LRMDA: variants seen among roughly 807,000 people sequenced by gnomAD.
LRMDA encodes the protein leucine-rich melanocyte differentiation-associated protein.
A neutral mutation model predicts 29.8 loss-of-function variants in LRMDA; 18 were observed. That is an observed-to-expected ratio of 0.60 (90% CI 0.42 to 0.90). LRMDA has a LOEUF of 0.90. LRMDA is among the 40% of genes least tolerant of loss of function. The pLI is 0.00. For missense variants in LRMDA, 273 were observed against 273.9 expected (o/e 1.00, Z 0.02); for synonymous variants, 125 against 109.4 (o/e 1.14, Z -0.89).
At chr10:75,505,717 T>C (rs1348180907) in intron 2 of LRMDA, among the ~76,000 whole-genome samples, 2 of 152,116 alleles carry the variant, frequency 1.3e-5, no homozygotes, top group Non-Finnish European at 2.9e-5. Context: ...TTCCTACCCT[T>C]TGCTTAAAGC....
chr10:75,617,752 C>T (rs1243268215), intron 2 of LRMDA, among the ~76,000 whole-genome samples: 1 of 152,198 alleles, frequency 6.6e-6, no homozygotes, highest in Non-Finnish European at 1.5e-5. Flanking sequence ...CTTTCTCCCT[C>T]AGTCTTTTGC....
At chr10:75,455,203 A>G (rs1367082098) in intron 2 of LRMDA, among the ~76,000 whole-genome samples, 1 of 152,208 alleles carries the variant, frequency 6.6e-6, no homozygotes, top group East Asian at 1.9e-4. Flanking sequence ...GGAACTGCCC[A>G]GAATAGCGTG....
intron 5 of LRMDA, among the ~76,000 whole-genome samples, chr10:76,154,715 G>A (rs934473388): frequency 8.5e-5 from 13 of 152,136 alleles, no homozygotes; most frequent in African/African-American, 3.1e-4. Flanking sequence ...TGGATTATTT[G>A]GGATTAACAT....
intron 2 of LRMDA, among the ~76,000 whole-genome samples, chr10:75,486,631 G>C (rs367925785): frequency 9.7e-4 from 147 of 152,208 alleles, no homozygotes; most frequent in African/African-American, 3.2e-3. Context: ...AATTTGTAAA[G>C]GGGCATTCTG....
intron 6 of LRMDA, among the ~76,000 whole-genome samples, chr10:76,482,351 T>C (rs1736174647): frequency 6.6e-6 from 1 of 152,016 alleles, no homozygotes; most frequent in South Asian, 2.1e-4. Context: ...ACTGTCTTCA[T>C]TATCTCTGCC....
intron 5 of LRMDA, among the ~76,000 whole-genome samples, chr10:76,128,247 G>A (rs1180234262): frequency 1.3e-5 from 2 of 152,216 alleles, no homozygotes; most frequent in East Asian, 1.9e-4. Flanking sequence ...TGTGTGTGGA[G>A]GAAAATGAGG....
chr10:75,480,876 G>A (rs943040260), intron 2 of LRMDA, among the ~76,000 whole-genome samples: 1 of 152,114 alleles, frequency 6.6e-6, no homozygotes, highest in Non-Finnish European at 1.5e-5. Flanking sequence ...AGGTGGTTTT[G>A]ATGGTATTTG....
chr10:76,143,002 C>T (rs1850235316), intron 5 of LRMDA, among the ~76,000 whole-genome samples: 1 of 152,116 alleles, frequency 6.6e-6, no homozygotes, highest in African/African-American at 2.4e-5. Context: ...TCATCCATGT[C>T]CCTACAAAGG....
chr10:75,437,716 A>G (rs955602957), intron 1 of LRMDA, among the ~76,000 whole-genome samples: 1 of 152,224 alleles, frequency 6.6e-6, no homozygotes, highest in Non-Finnish European at 1.5e-5. Flanking sequence ...TAATAAATAG[A>G]AGAATGCCCA....
At chr10:75,647,132 G>A (rs1370034286) in intron 2 of LRMDA, among the ~76,000 whole-genome samples, 1 of 152,174 alleles carries the variant, frequency 6.6e-6, no homozygotes, top group Non-Finnish European at 1.5e-5. Context: ...ACTTTCCTGA[G>A]GCCTTGCTTG....
At chr10:75,733,965 C>A (rs943892058) in intron 2 of LRMDA, among the ~76,000 whole-genome samples, 1 of 152,154 alleles carries the variant, frequency 6.6e-6, no homozygotes, top group Non-Finnish European at 1.5e-5. Context: ...GAGAAGGAGG[C>A]TTCTCAAGCC....
At chr10:76,153,501 G>A (rs1299636184) in intron 5 of LRMDA, among the ~76,000 whole-genome samples, 1 of 152,176 alleles carries the variant, frequency 6.6e-6, no homozygotes, top group Non-Finnish European at 1.5e-5. Context: ...ATGGTGTGAG[G>A]TAGGGTGGGT....
intron 2 of LRMDA, among the ~76,000 whole-genome samples, chr10:75,878,580 G>C (rs1473769104): frequency 1.3e-5 from 2 of 152,048 alleles, no homozygotes; most frequent in African/African-American, 2.4e-5. Context: ...TAGGGTCTTG[G>C]GTTTTTATGA....
chr10:76,190,270 T>C (rs1851221833), intron 5 of LRMDA, among the ~76,000 whole-genome samples: 1 of 152,022 alleles, frequency 6.6e-6, no homozygotes, highest in South Asian at 2.1e-4. Context: ...TAAAGTGGCA[T>C]CATTTTCAAG....
intron 5 of LRMDA, among the ~76,000 whole-genome samples, chr10:76,149,393 T>C (rs966485931): frequency 1.3e-5 from 2 of 152,216 alleles, no homozygotes; most frequent in Admixed American, 6.5e-5. Flanking sequence ...GCTGAGTGAC[T>C]CACATGAAAA....
chr10:76,518,710 AAG>A (rs1238603269), intron 6 of LRMDA, among the ~76,000 whole-genome samples: 2 of 152,188 alleles, frequency 1.3e-5, no homozygotes, highest in African/African-American at 4.8e-5. Context: ...CTATTTATGT[AAG>A]AGAAAAATAT....
At chr10:76,198,571 A>C (rs950280859) in intron 5 of LRMDA, among the ~76,000 whole-genome samples, 1 of 152,212 alleles carries the variant, frequency 6.6e-6, no homozygotes, top group East Asian at 1.9e-4. Flanking sequence ...AGCAGTGTTT[A>C]TAACTTACAG....
At chr10:76,511,523 G>A (rs760265913) in intron 6 of LRMDA, among the ~76,000 whole-genome samples, 4 of 151,998 alleles carry the variant, frequency 2.6e-5, no homozygotes, top group Admixed American at 6.6e-5. Flanking sequence ...TAATACATGA[G>A]TTAGCAAGAT....
At chr10:75,751,318 A>AGGGAGAGGGAGACCG (rs1842966738) in intron 2 of LRMDA, among the ~76,000 whole-genome samples, 1 of 146,560 alleles carries the variant, frequency 6.8e-6, no homozygotes, top group African/African-American at 2.5e-5. Context: ...AGAGAGGGAG[A>AGGGAGAGGGAGACCG]GGGAGAGGGA....
Sources: allele counts gnomAD v4.1 joint callset (sites outside exome capture counted in the v4.1 genomes callset), GRCh38; gene constraint gnomAD v4.1.1; transcripts MANE v1.5; gene names NCBI Gene and HGNC (gene_info 2026-07-23, HGNC 2026-07-21).